Variants in RORB observed in about 807,000 individuals in gnomAD.
RORB encodes the protein nuclear receptor ROR-beta.
RORB carries 6 observed loss-of-function variants against 59.1 expected under a neutral mutation model. The observed-to-expected ratio is 0.10, with a 90% CI of 0.06 to 0.20. RORB has a LOEUF of 0.20. Among genes scored for constraint, RORB ranks in the 10% least tolerant of loss-of-function variants. RORB has a pLI of 1.00. For missense variants in RORB, 320 were observed against 560.5 expected, an observed-to-expected ratio of 0.57 and a Z score of 4.33; for synonymous variants, 215 against 204.5, an observed-to-expected ratio of 1.05 and a Z score of -0.44.
At chr9:74,617,531 T>C (rs1261994947) in intron 1 of RORB, among the ~76,000 whole-genome samples, 3 of 152,130 alleles carry the variant, frequency 2.0e-5, no homozygotes, top group African/African-American at 7.2e-5. Flanking sequence ...ATATAAGATA[T>C]CTCGGGTCCC....
rs1185623710 is a variant in RORB at position 74,693,119 on chromosome 9, A to G, written c.*7501A>G. On this transcript the variant is annotated 3_prime_UTR_variant, in exon 10 of 10. Coordinates refer to ENST00000376896, the MANE Select transcript of RORB (RefSeq NM_006914.4). ...GAATGTTTTCTGTAAATGACAATCA[A>G]TGTTTATGAAGTTTCCTCCTTTAAT... 1.3e-5 allele frequency: 2 copies of G among 152,216 alleles called. No individual in the cohort carries two copies. The highest frequency in any genetic ancestry group is 4.8e-5 in the African/African-American group (2 of 41,458). 9.4% of individuals were successfully genotyped at this position (152,216 alleles called of 1,614,324 possible).
At chr9:74,594,896 G>C (rs1028502216) in intron 1 of RORB, among the ~76,000 whole-genome samples, 1 of 152,118 alleles carries the variant, frequency 6.6e-6, no homozygotes, top group Non-Finnish European at 1.5e-5. Context: ...CTCTACACCA[G>C]GATATCCTCC....
intron 1 of RORB, among the ~76,000 whole-genome samples, chr9:74,594,556 T>C (rs1211558809): frequency 1.3e-5 from 2 of 152,194 alleles, no homozygotes; most frequent in Non-Finnish European, 2.9e-5. Context: ...CACATTCATA[T>C]ATATGAGACA....
At chr9:74,572,347 A>G (rs1822566444) in intron 1 of RORB, among the ~76,000 whole-genome samples, 1 of 152,192 alleles carries the variant, frequency 6.6e-6, no homozygotes, top group African/African-American at 2.4e-5. Context: ...TCCTTATTTG[A>G]CTATGAACAT....
chr9:74,563,591 A>G (rs1426092317), intron 1 of RORB, among the ~76,000 whole-genome samples: 1 of 152,166 alleles, frequency 6.6e-6, no homozygotes. Context: ...CTCCATATGG[A>G]TTTGTCCAAC....
intron 1 of RORB, among the ~76,000 whole-genome samples, chr9:74,598,550 GTT>G (rs1443746837): frequency 1.3e-5 from 2 of 152,130 alleles, no homozygotes; most frequent in Non-Finnish European, 2.9e-5. Flanking sequence ...TGGGTACAAA[GTT>G]GTGTTATGAT....
At chr9:74,652,645 G>T (rs1228655472) in intron 4 of RORB, among the ~76,000 whole-genome samples, 1 of 151,872 alleles carries the variant, frequency 6.6e-6, no homozygotes, top group East Asian at 1.9e-4. Context: ...AAGAACTCTA[G>T]GAGCAAATTG....
intron 1 of RORB, among the ~76,000 whole-genome samples, chr9:74,622,831 C>A (rs2118391685): frequency 6.6e-6 from 1 of 152,104 alleles, no homozygotes; most frequent in East Asian, 1.9e-4. Flanking sequence ...AGCCACAACC[C>A]AGATTCTTAT....
rs140782233 is a variant in RORB, at chr9:74,550,447, A to C, written c.7+52464A>C. Among the ~76,000 whole-genome samples, 106 of 152,334 alleles carry C rather than the reference A, an allele frequency of 7.0e-4. 1 individual carries two copies. The East Asian group carries it at 0.018, about 26-fold the overall frequency. ...ACCAGGGTGGGGCTTGGGTAACTGT[A>C]AGCTTTGAAAGCTCTACAAGTGGTC... On this transcript the variant is annotated intron_variant, in intron 1 of 9. Coordinates refer to ENST00000376896, the MANE Select transcript of RORB (RefSeq NM_006914.4).
chr9:74,602,641 T>A (rs1250033656), intron 1 of RORB, among the ~76,000 whole-genome samples: 2 of 152,198 alleles, frequency 1.3e-5, no homozygotes, highest in East Asian at 3.9e-4. Flanking sequence ...GGGGAGACAG[T>A]TAACAATTCT....
intron 1 of RORB, among the ~76,000 whole-genome samples, chr9:74,605,570 TC>T (rs2118337833): frequency 6.6e-6 from 1 of 152,348 alleles, no homozygotes; most frequent in Admixed American, 6.5e-5. Flanking sequence ...ACGTAGTCTG[TC>T]TTTGCTGGCA....
chr9:74,499,901 A>C (rs1353964225), intron 1 of RORB, among the ~76,000 whole-genome samples: 1 of 152,062 alleles, frequency 6.6e-6, no homozygotes, highest in Non-Finnish European at 1.5e-5. Context: ...TAGGGCATAA[A>C]ATCCGCTCAC....
chr9:74,501,849 A>G (rs948969463), intron 1 of RORB, among the ~76,000 whole-genome samples: 1 of 152,170 alleles, frequency 6.6e-6, no homozygotes, highest in Non-Finnish European at 1.5e-5. Flanking sequence ...CAGGAGGAAA[A>G]TGTAGATGAA....
intron 1 of RORB, among the ~76,000 whole-genome samples, chr9:74,591,677 T>A: frequency 6.6e-6 from 1 of 152,184 alleles, no homozygotes; most frequent in Non-Finnish European, 1.5e-5. Context: ...CCATAAAACA[T>A]GTTTTTCTTA....
chr9:74,660,727 T>C lies in RORB; in HGVS notation c.748T>C (p.Tyr250His). 6.2e-7 allele frequency: 1 copy of C among 1,612,314 alleles called. No individual in the cohort carries two copies. ...QTHTYEEIKA[Y>H]QSKSREALWQ... is the part of the protein sequence containing the mutation. ...CCACACCTATGAAGAAATTAAAGCA[T>C]ATCAAAGCAAGGTACTCTGGGAAAC... The change falls in exon 5 of 10, where the codon TAT becomes CAT. Residue 250 changes from tyrosine (Y) to histidine (H), a missense_variant. Around this residue, in one of 4 missense-constraint regions of RORB, gnomAD observed 40 missense variants for 116.9 expected, o/e 0.34. Transcript: ENST00000376896.
intron 1 of RORB, among the ~76,000 whole-genome samples, chr9:74,608,923 C>A (rs1048474156): frequency 1.5e-4 from 23 of 152,140 alleles, no homozygotes; most frequent in Non-Finnish European, 2.6e-4. Flanking sequence ...CCTTCAGATA[C>A]CTCATTTTGC....
chr9:74,678,423 A>G (rs1824484403), intron 9 of RORB, among the ~76,000 whole-genome samples: 1 of 152,238 alleles, frequency 6.6e-6, no homozygotes, highest in South Asian at 2.1e-4. Context: ...TAAAGATAAC[A>G]AAACTGTATC....
chr9:74,614,940 G>A (rs550788505), intron 1 of RORB, among the ~76,000 whole-genome samples: 10 of 152,238 alleles, frequency 6.6e-5, no homozygotes, highest in Admixed American at 3.3e-4. Flanking sequence ...TAGACTTCAG[G>A]TGTGGGGCCC....
chr9:74,499,140 C>G (rs1036415145), intron 1 of RORB: 6 of 152,554 alleles, frequency 3.9e-5, no homozygotes, highest in Non-Finnish European at 7.3e-5. Flanking sequence ...ATCGGGGGCT[C>G]TTCTCTATCC....
Sources: gnomAD v4.1 joint callset for allele counts (sites outside exome capture counted in the v4.1 genomes callset) on GRCh38, gnomAD v4.1.1 for gene constraint, gnomAD v4.1.1 regional missense constraint, MANE v1.5 for transcripts, NCBI Gene and HGNC (gene_info 2026-07-23, HGNC 2026-07-21) for gene names.